Variants in MSH4 observed in about 807,000 individuals in gnomAD.
The protein encoded by MSH4 is mutS homolog 4, also known as mutS protein homolog 4.
A neutral mutation model predicts 113.7 loss-of-function variants in MSH4; 106 were observed. The observed-to-expected ratio is 0.93, with a 90% confidence interval of 0.80 to 1.10. The LOEUF (loss-of-function observed/expected upper bound fraction) is 1.10, where lower values mean the gene tolerates loss of function less well. MSH4 is among the 50% of genes least tolerant of loss of function. MSH4 has a pLI of 0.00. For missense variants in MSH4, 1,061 were observed against 1,093.7 expected (o/e 0.97, Z 0.42); for synonymous variants, 368 against 380.2 (o/e 0.97, Z 0.37).
intron 15 of MSH4, among the ~76,000 whole-genome samples, chr1:75,887,851 G>C (rs1652160604): frequency 6.6e-6 from 1 of 151,794 alleles, no homozygotes; most frequent in Non-Finnish European, 1.5e-5. Context: ...TCAAATTCTG[G>C]CTCTATCACT....
intron 9 of MSH4, among the ~76,000 whole-genome samples, chr1:75,868,456 T>G (rs1651638241): frequency 6.6e-6 from 1 of 152,230 alleles, no homozygotes; most frequent in South Asian, 2.1e-4. Context: ...TCATTAACTT[T>G]TAAATACTAC....
At chr1:75,885,345 A>G (rs201504304) in intron 15 of MSH4, among the ~76,000 whole-genome samples, 20,573 of 115,090 alleles carry the variant, frequency 0.18, 2,083 homozygotes, top group African/African-American at 0.26. Context: ...GTGTGTGTAT[A>G]TATATATATA....
chr1:75,886,530 T>C (rs893458882), intron 15 of MSH4, among the ~76,000 whole-genome samples: 22 of 99,782 alleles, frequency 2.2e-4, no homozygotes, highest in African/African-American at 7.0e-4. Context: ...TGATGTATTA[T>C]ATATATTATT....
intron 8 of MSH4, among the ~76,000 whole-genome samples, chr1:75,867,220 G>C (rs1651604922): frequency 6.6e-6 from 1 of 152,110 alleles, no homozygotes; most frequent in Non-Finnish European, 1.5e-5. Flanking sequence ...CTCAGGATTG[G>C]ACTGCATCTC....
intron 19 of MSH4, among the ~76,000 whole-genome samples, chr1:75,910,336 T>C (rs968504103): frequency 5.9e-5 from 9 of 152,120 alleles, no homozygotes; most frequent in Non-Finnish European, 1.3e-4. Context: ...AATTCTGCCC[T>C]CTCTTGGCTA....
chr1:75,831,495 C>T (rs1441869035), intron 7 of MSH4, among the ~76,000 whole-genome samples: 3 of 152,172 alleles, frequency 2.0e-5, no homozygotes, highest in African/African-American at 4.8e-5. Context: ...TTTCTCAGCA[C>T]CACATCACAC....
chr1:75,886,914 T>C (rs2100579595), intron 15 of MSH4, among the ~76,000 whole-genome samples: 1 of 150,150 alleles, frequency 6.7e-6, no homozygotes, highest in Admixed American at 6.7e-5. Context: ...AAGTTGTATT[T>C]GAAATCTAAG....
intron 9 of MSH4, among the ~76,000 whole-genome samples, chr1:75,868,395 G>A (rs540013817): frequency 5.9e-5 from 9 of 152,132 alleles, no homozygotes; most frequent in African/African-American, 2.2e-4. Context: ...TTAATTGATG[G>A]CTCTTACCTG....
At position 75,883,802 on chromosome 1, in the gene MSH4, T is replaced by TCTTTAAAA. The variant is rs1651987375; in HGVS notation, c.2089_2090insTTTAAAAC (p.Gln697LeufsTer2). On this transcript the variant is annotated stop_gained and frameshift_variant, in exon 15 of 20. Transcript: ENST00000263187. LOFTEE classifies it high-confidence loss of function. Reference sequence around the variant, plus strand: ...CATATTTAAAACAGATTGCTCTTTGTCAGATTATGGCCCAGATTGGTAAGT... The same window carrying TCTTTAAAA: ...CATATTTAAAACAGATTGCTCTTTGTCTTTAAAACAGATTATGGCCCAGATTGGTAAGT... 6.2e-7 allele frequency: 1 copy of TCTTTAAAA among 1,612,556 alleles called. No individual in the cohort carries two copies. Among genetic ancestry groups the TCTTTAAAA allele is most frequent in the East Asian group, 2.2e-5 (1 of 44,724 alleles).
At chr1:75,866,609 A>AT (rs1651566802) in intron 8 of MSH4, among the ~76,000 whole-genome samples, 2 of 152,114 alleles carry the variant, frequency 1.3e-5, no homozygotes, top group South Asian at 4.1e-4. Flanking sequence ...TTATTATGGC[A>AT]TTTTTTCTAA....
chr1:75,892,478 C>T (rs538952045), intron 17 of MSH4, among the ~76,000 whole-genome samples: 1 of 152,034 alleles, frequency 6.6e-6, no homozygotes, highest in Non-Finnish European at 1.5e-5. Context: ...AATCTTGGTT[C>T]TGGTATGATC....
chr1:75,810,849 CTTAT>C (rs777476785), intron 4 of MSH4, 42 bp downstream of exon 4: 12 of 894,648 alleles, frequency 1.3e-5, no homozygotes, highest in South Asian at 7.3e-5. Context: ...GATCTAATCA[CTTAT>C]TTATTTATTT....
chr1:75,906,367 C>G (rs1297737289), intron 19 of MSH4, among the ~76,000 whole-genome samples: 1 of 133,940 alleles, frequency 7.5e-6, no homozygotes, highest in Non-Finnish European at 1.6e-5. Flanking sequence ...TGTAAGTGCT[C>G]TCTTTCTTCC....
chr1:75,846,350 T>C (rs1651078063), intron 7 of MSH4, among the ~76,000 whole-genome samples: 1 of 152,236 alleles, frequency 6.6e-6, no homozygotes, highest in Non-Finnish European at 1.5e-5. Context: ...TTTATTCTGC[T>C]TCTTTTTAAA....
intron 6 of MSH4, among the ~76,000 whole-genome samples, 178 bp from the exon 7 acceptor site, chr1:75,822,231 G>C (rs1650433085): frequency 6.7e-6 from 1 of 149,758 alleles, no homozygotes; most frequent in South Asian, 2.1e-4. Flanking sequence ...GGAGCTTACA[G>C]TGAGCCGAGA....
At chr1:75,853,063 G>C (rs1160892059) in intron 8 of MSH4, among the ~76,000 whole-genome samples, 1 of 151,724 alleles carries the variant, frequency 6.6e-6, no homozygotes, top group Non-Finnish European at 1.5e-5. Context: ...TTCTTTGTTT[G>C]TTTGTTTGTT....
At chr1:75,797,519 C>T (rs1176752879) in intron 1 of MSH4, among the ~76,000 whole-genome samples, 1 of 152,174 alleles carries the variant, frequency 6.6e-6, no homozygotes, top group African/African-American at 2.4e-5. Context: ...CGTGAGTTTG[C>T]TGATAGAAGT....
At position 75,908,114 on chromosome 1, in the gene MSH4, CTGTT is replaced by C. The variant is rs200014990; in HGVS notation, c.2620-4579_2620-4576del. On this transcript the variant is annotated intron_variant, in intron 19 of 19. Transcript: ENST00000263187. The stretch of plus-strand genomic sequence containing the variant: ...ATTTCTCAGTTCCAGGGTTTCAAAT[CTGTT>C]TGCCATTTGATTTTTAAAAACTTTC... Among the ~76,000 whole-genome samples the C allele has an allele frequency of 6.0e-3, 889 of 148,108 alleles. 5 individuals are homozygous for C. Among genetic ancestry groups the C allele is most frequent in the Admixed American group, 9.2e-3 (136 of 14,712 alleles).
At chr1:75,896,627 T>C (rs1364597613) in intron 17 of MSH4, among the ~76,000 whole-genome samples, 1 of 152,052 alleles carries the variant, frequency 6.6e-6, no homozygotes, top group Non-Finnish European at 1.5e-5. Context: ...TATTATTTTC[T>C]AGTATAAATA....
Sources: gnomAD v4.1 joint callset for allele counts (sites outside exome capture counted in the v4.1 genomes callset) on GRCh38, gnomAD v4.1.1 for gene constraint, MANE v1.5 for transcripts, NCBI Gene and HGNC (gene_info 2026-07-23, HGNC 2026-07-21) for gene names.